Variants in ADGRL3 observed in about 807,000 individuals in gnomAD.
ADGRL3 encodes calcium-independent alpha-latrotoxin receptor 3.
Under a neutral mutation model 153.5 loss-of-function variants are expected in ADGRL3, and 62 were observed. That is an observed-to-expected ratio of 0.40 (90% CI 0.33 to 0.50). The LOEUF (loss-of-function observed/expected upper bound fraction) is 0.50, where lower values mean the gene tolerates loss of function less well. Among genes scored for constraint, ADGRL3 ranks in the 20% least tolerant of loss-of-function variants. The probability of loss-of-function intolerance (pLI) is 0.47; values close to 1 mark genes in which losing one functional copy is unlikely to be tolerated. For synonymous variants in ADGRL3, 710 were observed against 672.5 expected (o/e 1.06, Z -0.86); for missense variants, 1,641 against 1,859.4 (o/e 0.88, Z 2.16).
intron 2 of ADGRL3, among the ~76,000 whole-genome samples, chr4:61,402,724 A>C (rs2096944876): frequency 6.6e-6 from 1 of 152,112 alleles, no homozygotes; most frequent in African/African-American, 2.4e-5. Context: ...AGCAGAGTGA[A>C]GAAAGGCTGG....
intron 5 of ADGRL3, among the ~76,000 whole-genome samples, chr4:61,597,205 A>G (rs1179632759): frequency 2.0e-5 from 3 of 152,146 alleles, no homozygotes; most frequent in African/African-American, 4.8e-5. Context: ...TCGTGTATTG[A>G]GAAAGTAATG....
intron 5 of ADGRL3, among the ~76,000 whole-genome samples, chr4:61,635,507 C>T (rs776590874): frequency 6.6e-6 from 1 of 152,062 alleles, no homozygotes; most frequent in Non-Finnish European, 1.5e-5. Context: ...GTATACCTCT[C>T]ATGCATCCGA....
intron 8 of ADGRL3, among the ~76,000 whole-genome samples, chr4:61,763,392 A>G (rs1249533659): frequency 6.6e-6 from 1 of 151,602 alleles, no homozygotes; most frequent in Non-Finnish European, 1.5e-5. Flanking sequence ...TCACTATGTT[A>G]GCAGGCTGGT....
At chr4:61,746,225 C>T (rs2096658906) in intron 8 of ADGRL3, among the ~76,000 whole-genome samples, 1 of 152,096 alleles carries the variant, frequency 6.6e-6, no homozygotes, top group African/African-American at 2.4e-5. Context: ...GAGTGACCTA[C>T]AAAGAGACTT....
intron 1 of ADGRL3, among the ~76,000 whole-genome samples, chr4:61,321,040 C>T (rs1273327625): frequency 6.6e-6 from 1 of 152,156 alleles, no homozygotes; most frequent in Non-Finnish European, 1.5e-5. Context: ...TGTTCTATCA[C>T]CTTCTTTCAT....
intron 1 of ADGRL3, among the ~76,000 whole-genome samples, chr4:61,280,956 G>T (rs1437249935): frequency 6.6e-6 from 1 of 151,884 alleles, no homozygotes; most frequent in Non-Finnish European, 1.5e-5. Flanking sequence ...TTTTTTTGAA[G>T]AAACATATTG....
intron 8 of ADGRL3, among the ~76,000 whole-genome samples, chr4:61,743,147 C>T (rs556602399): frequency 1.9e-4 from 29 of 151,388 alleles, no homozygotes; most frequent in South Asian, 1.3e-3. Flanking sequence ...GGCGAAACCC[C>T]GTCTCTATTA....
At chr4:61,778,959 G>A (rs1172968404) in intron 8 of ADGRL3, among the ~76,000 whole-genome samples, 1 of 151,862 alleles carries the variant, frequency 6.6e-6, no homozygotes, top group Non-Finnish European at 1.5e-5. Context: ...TTGGGAGGCC[G>A]AGTTAGGAGA....
At chr4:61,523,931 G>A (rs1052305535) in intron 4 of ADGRL3, among the ~76,000 whole-genome samples, 5 of 151,972 alleles carry the variant, frequency 3.3e-5, no homozygotes, top group African/African-American at 1.2e-4. Flanking sequence ...GAAAATAGGT[G>A]CTAAACTTTG....
intron 4 of ADGRL3, among the ~76,000 whole-genome samples, chr4:61,538,454 G>A: frequency 6.6e-6 from 1 of 151,802 alleles, no homozygotes; most frequent in East Asian, 1.9e-4. Context: ...TTGTTTTTTT[G>A]TTGAGATGGA....
At chr4:61,641,403 G>A (rs1319736773) in intron 5 of ADGRL3, among the ~76,000 whole-genome samples, 7 of 150,820 alleles carry the variant, frequency 4.6e-5, no homozygotes, top group Admixed American at 2.6e-4. Context: ...CTCCTCTAGC[G>A]TTAGGTATAT....
At chr4:61,618,098 G>A (rs1341209631) in intron 5 of ADGRL3, among the ~76,000 whole-genome samples, 1 of 152,092 alleles carries the variant, frequency 6.6e-6, no homozygotes, top group African/African-American at 2.4e-5. Context: ...AGGAATAATT[G>A]GGGTTATATT....
chr4:61,587,086 C>A (rs2098949478), intron 4 of ADGRL3, 141 bp from the exon 5 acceptor site: 1 of 477,192 alleles, frequency 2.1e-6, no homozygotes, highest in Non-Finnish European at 3.7e-6. Flanking sequence ...GAAAAATATT[C>A]TAGTTTAATT....
chr4:61,746,247 T>C (rs56785579), intron 8 of ADGRL3, among the ~76,000 whole-genome samples: 13,161 of 151,946 alleles, frequency 0.087, 1,198 homozygotes, highest in African/African-American at 0.23. Flanking sequence ...TACTCCCACA[T>C]ATTAATAATG....
chr4:61,253,691 CCA>C (rs143396564), intron 1 of ADGRL3, among the ~76,000 whole-genome samples: 1 of 140,392 alleles, frequency 7.1e-6, no homozygotes, highest in African/African-American at 2.5e-5. Context: ...ATGTTCAGTT[CCA>C]CACACACACA....
chr4:61,623,060 C>A (rs980314952), intron 5 of ADGRL3, among the ~76,000 whole-genome samples: 1 of 152,048 alleles, frequency 6.6e-6, no homozygotes, highest in Non-Finnish European at 1.5e-5. Context: ...TTTGAAATCT[C>A]TCTAACTTTA....
intron 8 of ADGRL3, among the ~76,000 whole-genome samples, chr4:61,799,816 A>C (rs1200092419): frequency 6.6e-6 from 1 of 152,196 alleles, no homozygotes; most frequent in Non-Finnish European, 1.5e-5. Flanking sequence ...TGATGATGAC[A>C]ATAGTTCAAC....
intron 4 of ADGRL3, among the ~76,000 whole-genome samples, chr4:61,544,621 A>T (rs1447343860): frequency 6.6e-6 from 1 of 152,202 alleles, no homozygotes; most frequent in African/African-American, 2.4e-5. Flanking sequence ...TTGTTTACCC[A>T]GTATCAAAAA....
rs530757320 is a variant in ADGRL3, at chr4:61,504,776, G to A, written c.55+7428G>A. 9.5e-4 allele frequency among the ~76,000 whole-genome samples: 144 copies of A among 151,756 alleles called. 2 individuals carry two copies. Among genetic ancestry groups the A allele is most frequent in the Non-Finnish European group, 6.8e-4 (46 of 67,904 alleles). The stretch of plus-strand genomic sequence containing the variant: ...ATGCAATGTTTGTCTTTCTATGTTT[G>A]GCTTAAGAATTTCATCGCTTTTTTA... On this transcript the variant is annotated intron_variant, in intron 3 of 26. Coordinates refer to ENST00000683033, the MANE Select transcript of ADGRL3 (RefSeq NM_001387552.1).
Sources: gnomAD v4.1 joint callset for allele counts (sites outside exome capture counted in the v4.1 genomes callset) on GRCh38, gnomAD v4.1.1 for gene constraint, MANE v1.5 for transcripts, NCBI Gene and HGNC (gene_info 2026-07-23, HGNC 2026-07-21) for gene names.